The following AGFG1 variants were observed in gnomAD, a reference collection of about 807,000 sequenced individuals.
AGFG1 encodes arf-GAP domain and FG repeat-containing protein 1.
A neutral mutation model predicts 60.6 loss-of-function variants in AGFG1; 10 were observed. The ratio of observed to expected loss-of-function variants is 0.16; its 90% CI spans 0.10 to 0.28. The LOEUF (loss-of-function observed/expected upper bound fraction) is 0.28, where lower values mean the gene tolerates loss of function less well. Among genes scored for constraint, AGFG1 ranks in the 10% least tolerant of loss-of-function variants. AGFG1 has a pLI of 1.00. For synonymous variants in AGFG1, 247 were observed against 242.9 expected (o/e 1.02, Z -0.16); for missense variants, 537 against 676.5 (o/e 0.79, Z 2.29).
intron 1 of AGFG1, among the ~76,000 whole-genome samples, chr2:227,477,434 T>C (rs1690319281): frequency 6.6e-6 from 1 of 152,210 alleles, no homozygotes; most frequent in Non-Finnish European, 1.5e-5. Flanking sequence ...TCTTAGTGTT[T>C]TGCTGTTATA....
rs1693070320 is a variant in AGFG1, at chr2:227,559,430, T to C, written c.*4935T>C. 6.6e-6 allele frequency: 1 copy of C among 152,172 alleles called. No homozygotes were observed. Among genetic ancestry groups the C allele is most frequent in the African/African-American group, 2.4e-5 (1 of 41,444 alleles). 9.4% of individuals were successfully genotyped at this position (152,172 alleles called of 1,614,324 possible). A position where few individuals can be genotyped will look rare whatever the true frequency, so the allele number is the denominator to read the frequency against. ...CAGTGGTATTTTCCAGTGAAGACTA[T>C]CGCCAAGAATGCATATCATTCTGCT... On this transcript the variant is annotated 3_prime_UTR_variant, in exon 13 of 13. Coordinates refer to ENST00000310078, the MANE Select transcript of AGFG1 (RefSeq NM_004504.5).
intron 10 of AGFG1, among the ~76,000 whole-genome samples, chr2:227,539,512 T>C (rs1468783638): frequency 6.6e-6 from 1 of 151,586 alleles, no homozygotes; most frequent in Non-Finnish European, 1.5e-5. Context: ...CCTAGCACTT[T>C]GGGATGCCGA....
chr2:227,507,969 G>GT lies in AGFG1; in HGVS notation c.262-11974dup, dbSNP rs146386456. Among the ~76,000 whole-genome samples, 12 of 145,590 alleles carry GT rather than the reference G, an allele frequency of 8.2e-5. No homozygotes were observed. The East Asian group carries it at 2.2e-3, about 27-fold the overall frequency. On this transcript the variant is annotated intron_variant, in intron 2 of 12. Transcript: ENST00000310078. ...CCTATTTAAAACTTCTGCAAATCTT[G>GT]TTTTTACCTAGAAGAGCTTTGCCTG...
chr2:227,534,879 T>C lies in AGFG1; in HGVS notation c.1059T>C (p.Gly353=). ...GDQGSGFGTT[G]KAPVGSVVSV... is the part of the protein sequence containing the mutation. ...AGGGAAGTGGCTTTGGGACCACAGG[T>C]AAAGCTCCTGTTGGTTCTGTGGTTT... The change falls in exon 8 of 13, where the codon GGT becomes GGC. Residue 353 remains glycine, a synonymous_variant. Coordinates refer to ENST00000310078, the MANE Select transcript of AGFG1 (RefSeq NM_004504.5). 1 of 1,613,816 alleles carries C rather than the reference T, an allele frequency of 6.2e-7. No homozygotes were observed. Among genetic ancestry groups the C allele is most frequent in the Non-Finnish European group, 8.5e-7 (1 of 1,179,814 alleles).
chr2:227,534,196 G>T (rs1692243161), intron 7 of AGFG1, among the ~76,000 whole-genome samples: 2 of 152,050 alleles, frequency 1.3e-5, no homozygotes, highest in Non-Finnish European at 2.9e-5. Flanking sequence ...CTTGTATCCA[G>T]TTTTATCTTA....
intron 1 of AGFG1, among the ~76,000 whole-genome samples, chr2:227,474,191 C>G (rs1046306758): frequency 3.9e-5 from 6 of 152,150 alleles, no homozygotes; most frequent in Non-Finnish European, 7.3e-5. Flanking sequence ...AAAGTTGTTA[C>G]TTACGTTGGA....
intron 3 of AGFG1, 141 bp from the exon 4 acceptor site, chr2:227,523,622 G>T: frequency 7.1e-4 from 492 of 697,836 alleles, no homozygotes; most frequent in Middle Eastern, 1.3e-3. Flanking sequence ...TAAAAAATAT[G>T]CAAAGTTATT....
intron 2 of AGFG1, among the ~76,000 whole-genome samples, chr2:227,493,687 A>G (rs905988574): frequency 3.3e-5 from 5 of 152,228 alleles, no homozygotes; most frequent in Admixed American, 1.3e-4. Flanking sequence ...TACCATGACA[A>G]TCACTGTCAC....
intron 2 of AGFG1, among the ~76,000 whole-genome samples, chr2:227,516,662 T>A (rs1470377676): frequency 6.6e-6 from 1 of 152,230 alleles, no homozygotes; most frequent in Non-Finnish European, 1.5e-5. Flanking sequence ...AAGCACTCCA[T>A]CTTTGCTTTG....
chr2:227,554,364 G>A, intron 12 of AGFG1, 72 bp from the exon 13 acceptor site: 1 of 1,256,442 alleles, frequency 8.0e-7, no homozygotes, highest in Non-Finnish European at 1.1e-6. Context: ...ATTAAATTCA[G>A]TTTAATGTTT....
intron 2 of AGFG1, among the ~76,000 whole-genome samples, chr2:227,513,448 A>G (rs1356877325): frequency 6.6e-6 from 1 of 152,156 alleles, no homozygotes; most frequent in African/African-American, 2.4e-5. Context: ...TTTACTTTTC[A>G]TGACTTCTTC....
intron 2 of AGFG1, among the ~76,000 whole-genome samples, chr2:227,495,177 G>C (rs150556822): frequency 6.6e-6 from 1 of 151,934 alleles, no homozygotes; most frequent in East Asian, 1.9e-4. Context: ...AGTAATTTTT[G>C]TCATTTTTTT....
At chr2:227,488,324 A>G (rs890641188) in intron 1 of AGFG1, among the ~76,000 whole-genome samples, 1 of 152,230 alleles carries the variant, frequency 6.6e-6, no homozygotes, top group African/African-American at 2.4e-5. Flanking sequence ...GTGAGATTAC[A>G]TATGTGTGAC....
intron 1 of AGFG1, among the ~76,000 whole-genome samples, chr2:227,473,143 G>C (rs1690165455): frequency 6.6e-6 from 1 of 152,152 alleles, no homozygotes; most frequent in South Asian, 2.1e-4. Context: ...CTTTTTTCTG[G>C]GTCGAGAGTA....
intron 2 of AGFG1, among the ~76,000 whole-genome samples, chr2:227,500,574 G>T (rs890206670): frequency 6.6e-6 from 1 of 152,024 alleles, no homozygotes; most frequent in African/African-American, 2.4e-5. Context: ...GCCTGTTTTC[G>T]TCCCCTCCTC....
At chr2:227,551,900 T>A in intron 10 of AGFG1, 59 bp from the exon 11 acceptor site, 1 of 1,558,272 alleles carries the variant, frequency 6.4e-7, no homozygotes, top group South Asian at 1.2e-5. Context: ...ATTTACAATG[T>A]TGTGAGAAAC....
intron 6 of AGFG1, among the ~76,000 whole-genome samples, chr2:227,532,996 A>G (rs1692206657): frequency 6.6e-6 from 1 of 152,220 alleles, no homozygotes; most frequent in South Asian, 2.1e-4. Flanking sequence ...TATTGTATAC[A>G]CATTAAACTA....
chr2:227,511,287 CTTG>C (rs1218912062), intron 2 of AGFG1, among the ~76,000 whole-genome samples: 2 of 152,160 alleles, frequency 1.3e-5, no homozygotes, highest in Admixed American at 6.5e-5. Flanking sequence ...TGTTACTAGT[CTTG>C]GATGCTGGGA....
At chr2:227,535,805 T>C (rs1692292075) in intron 8 of AGFG1, among the ~76,000 whole-genome samples, 2 of 152,186 alleles carry the variant, frequency 1.3e-5, no homozygotes, top group African/African-American at 4.8e-5. Context: ...AAACATACTT[T>C]ATATATAATA....
Sources: gnomAD v4.1 joint callset for allele counts (sites outside exome capture counted in the v4.1 genomes callset) on GRCh38, gnomAD v4.1.1 for gene constraint, MANE v1.5 for transcripts, NCBI Gene and HGNC (gene_info 2026-07-23, HGNC 2026-07-21) for gene names.